PHIP: variants seen among roughly 807,000 people sequenced by gnomAD.
PHIP encodes the protein PHIP subunit of CUL4-Ring ligase complex.
In PHIP, 54 loss-of-function variants were observed where a neutral mutation model predicts 236.8. The ratio of observed to expected loss-of-function variants is 0.23; its 90% CI spans 0.18 to 0.29. PHIP has a LOEUF of 0.29. Among genes scored for constraint, PHIP ranks in the 10% least tolerant of loss-of-function variants. PHIP has a pLI of 1.00. For synonymous variants in PHIP, 756 were observed against 718.9 expected, an observed-to-expected ratio of 1.05 and a Z score of -0.83; for missense variants, 1,370 against 2,190.8, an observed-to-expected ratio of 0.63 and a Z score of 7.48.
chr6:78,985,068 C>T (rs1203402035), intron 22 of PHIP, among the ~76,000 whole-genome samples: 1 of 151,868 alleles, frequency 6.6e-6, no homozygotes, highest in South Asian at 2.1e-4. Context: ...TTTTCAAAAC[C>T]AGTAATGAAA....
At chr6:78,951,402 G>C (rs555115739) in intron 35 of PHIP, among the ~76,000 whole-genome samples, 60 of 152,064 alleles carry the variant, frequency 3.9e-4, no homozygotes, top group Non-Finnish European at 7.7e-4. Context: ...ATCTTGCTTT[G>C]AATATTTGAT....
At chr6:79,074,726 A>T (rs1774064069) in intron 4 of PHIP, among the ~76,000 whole-genome samples, 2 of 152,120 alleles carry the variant, frequency 1.3e-5, no homozygotes. Flanking sequence ...TCTCAATCAC[A>T]CTTGAAATGA....
chr6:79,014,933 T>G lies in PHIP; in HGVS notation c.1524+149A>C, dbSNP rs1389477768. The G allele has an allele frequency of 8.3e-6, 5 of 599,476 alleles. No individual in the cohort carries two copies. The Admixed American group carries it at 1.5e-4, about 18-fold the overall frequency. 37.1% of individuals were successfully genotyped at this position (599,476 alleles called of 1,614,324 possible). A position where few individuals can be genotyped will look rare whatever the true frequency, so the allele number is the denominator to read the frequency against. ...TTTAAATTCAGCATGTCAATAAAAGTGTGGAATAAATCATTCTTTATTGAT... is the reference window on the plus strand; with the variant it reads ...TTTAAATTCAGCATGTCAATAAAAGGGTGGAATAAATCATTCTTTATTGAT... On this transcript the variant is annotated intron_variant, in intron 15 of 39. Transcript: ENST00000275034.
chr6:78,969,312 G>A (rs1427619979), intron 27 of PHIP, among the ~76,000 whole-genome samples: 2 of 152,038 alleles, frequency 1.3e-5, no homozygotes, highest in African/African-American at 4.8e-5. Context: ...ACACACACTG[G>A]TCCTATATGA....
chr6:79,018,968 CATATGTATAAGA>C, intron 10 of PHIP, 109 bp downstream of exon 10: 1 of 630,460 alleles, frequency 1.6e-6, no homozygotes, highest in South Asian at 2.3e-5. Context: ...TTAGCTCTGG[CATATGTATAAGA>C]ACATGATTGA....
chr6:78,973,874 A>G (rs1358635552), intron 24 of PHIP, among the ~76,000 whole-genome samples: 1 of 151,770 alleles, frequency 6.6e-6, no homozygotes, highest in Non-Finnish European at 1.5e-5. Context: ...AGATTCATAA[A>G]GCAAGTCTTG....
intron 21 of PHIP, 139 bp from the exon 22 acceptor site, chr6:78,985,567 G>A (rs559911534): frequency 3.0e-6 from 2 of 674,774 alleles, no homozygotes; most frequent in African/African-American, 3.6e-5. Context: ...TGCAAAGGGT[G>A]TTGTGGCTCA....
intron 14 of PHIP, 77 bp from the exon 15 acceptor site, chr6:79,015,293 T>A: frequency 8.7e-7 from 1 of 1,150,378 alleles, no homozygotes; most frequent in Non-Finnish European, 1.3e-6. Flanking sequence ...AATACCAATA[T>A]GGCACTATTT....
intron 19 of PHIP, among the ~76,000 whole-genome samples, chr6:78,992,061 C>T (rs1020776217): frequency 6.7e-6 from 1 of 150,034 alleles, no homozygotes; most frequent in Non-Finnish European, 1.5e-5. Flanking sequence ...CCCCGGGGTT[C>T]ACACCATTCT....
At chr6:78,943,990 T>A (rs6454091) in intron 39 of PHIP, among the ~76,000 whole-genome samples, 22,243 of 78,368 alleles carry the variant, frequency 0.28, 4,202 homozygotes, top group African/African-American at 0.3. Flanking sequence ...TGTCTTTTTT[T>A]AAAAAAAAAA....
intron 39 of PHIP, among the ~76,000 whole-genome samples, chr6:78,943,206 A>G (rs1773593957): frequency 6.6e-6 from 1 of 152,164 alleles, no homozygotes; most frequent in Non-Finnish European, 1.5e-5. Context: ...ATTATATTCC[A>G]CTAGACAACA....
Position 79,041,699 on chromosome 6 carries a change from C to A in PHIP, c.600+1144G>T, listed in dbSNP as rs1772223158. On this transcript the variant is annotated intron_variant, in intron 7 of 39. Coordinates refer to ENST00000275034, the MANE Select transcript of PHIP (RefSeq NM_017934.7). ...AAATTACTACTGTAGGTATGTCAGG[C>A]ACTTCAGCAAATATAGAGATGCCTA... Among the ~76,000 whole-genome samples, 4 of 152,080 alleles carry A rather than the reference C, an allele frequency of 2.6e-5. No individual in the cohort carries two copies. In the South Asian group the frequency reaches 8.3e-4, roughly 32 times the overall value.
At chr6:79,037,339 T>TA (rs1406857768) in intron 7 of PHIP, among the ~76,000 whole-genome samples, 1 of 152,166 alleles carries the variant, frequency 6.6e-6, no homozygotes, top group Non-Finnish European at 1.5e-5. Context: ...TATTATCTTT[T>TA]ACAGTAATCC....
At chr6:78,968,882 A>AT (rs992570017) in intron 27 of PHIP, among the ~76,000 whole-genome samples, 1 of 152,200 alleles carries the variant, frequency 6.6e-6, no homozygotes, top group East Asian at 1.9e-4. Flanking sequence ...ATGTGTTCCA[A>AT]TTTTTTCCCC....
chr6:79,065,285 T>C (rs754898107), intron 4 of PHIP, among the ~76,000 whole-genome samples: 9 of 152,214 alleles, frequency 5.9e-5, no homozygotes, highest in Non-Finnish European at 1.2e-4. Flanking sequence ...AAAACACTTC[T>C]GATGCTTTCC....
Position 79,007,654 on chromosome 6 carries a change from CTTTT to C in PHIP, c.1525-3800_1525-3797del, listed in dbSNP as rs35415106. ...ATTAGCAGGGTCAGTATGTCTTGTT[CTTTT>C]TTTTTTTTTTTTTTTTTTAAGCACA... On this transcript the variant is annotated intron_variant, in intron 15 of 39. Transcript: ENST00000275034. 1.2e-3 allele frequency among the ~76,000 whole-genome samples: 145 copies of C among 116,656 alleles called. 7 individuals are homozygous for C. Among genetic ancestry groups the C allele is most frequent in the East Asian group, 0.01 (44 of 4,228 alleles). The allele number at this position is 116,656 out of a possible 152,430, so 76.5% of individuals were successfully genotyped here.
rs185694500 is a variant in PHIP, at chr6:79,061,842, G to T, written c.190-1024C>A. Among the ~76,000 whole-genome samples the T allele has an allele frequency of 2.1e-4, 32 of 151,342 alleles. No homozygotes were observed. The East Asian group carries it at 3.5e-3, about 16-fold the overall frequency. ...GAATTCCTTTTGATAAGACTGATGT[G>T]GGGGGAGGTGAGGATTTAAATCATC... On this transcript the variant is annotated intron_variant, in intron 4 of 39. Transcript: ENST00000275034.
intron 15 of PHIP, among the ~76,000 whole-genome samples, chr6:79,010,639 G>A (rs932328223): frequency 1.3e-5 from 2 of 151,700 alleles, no homozygotes; most frequent in African/African-American, 2.4e-5. Flanking sequence ...GAAAGATATG[G>A]AAAGAGAGAT....
rs183190550 is a variant in PHIP, at chr6:79,044,377, T to A, written c.440-1374A>T. Reference sequence around the variant, plus strand: ...GGTTATATACCAATTTAACAGAGACTCAATAAGTTTCAATCATAGCTTAGA... The same window carrying A: ...GGTTATATACCAATTTAACAGAGACACAATAAGTTTCAATCATAGCTTAGA... On this transcript the variant is annotated intron_variant, in intron 6 of 39. Coordinates refer to ENST00000275034, the MANE Select transcript of PHIP (RefSeq NM_017934.7). Among the ~76,000 whole-genome samples the A allele has an allele frequency of 1.3e-3, 197 of 152,258 alleles. 2 individuals carry two copies. Among genetic ancestry groups the A allele is most frequent in the South Asian group, 0.012 (57 of 4,828 alleles).
Sources: allele counts gnomAD v4.1 joint callset (sites outside exome capture counted in the v4.1 genomes callset), GRCh38; gene constraint gnomAD v4.1.1; transcripts MANE v1.5; gene names NCBI Gene and HGNC (gene_info 2026-07-23, HGNC 2026-07-21).